Variants in RHAG observed in about 807,000 individuals in gnomAD.
RHAG encodes Rh associated glycoprotein, also known as ammonium transporter Rh type A.
A neutral mutation model predicts 42.4 loss-of-function variants in RHAG; 25 were observed. The ratio of observed to expected loss-of-function variants is 0.59; its 90% CI spans 0.43 to 0.82. The LOEUF is 0.82. Among genes scored for constraint, RHAG ranks in the 40% least tolerant of loss-of-function variants. The pLI is 0.00. For missense variants in RHAG, 483 were observed against 504.6 expected, an observed-to-expected ratio of 0.96 and a Z score of 0.41; for synonymous variants, 182 against 177.7, an observed-to-expected ratio of 1.02 and a Z score of -0.19.
chr6:49,607,423 C>A (rs1279205117), intron 7 of RHAG, among the ~76,000 whole-genome samples: 1 of 152,178 alleles, frequency 6.6e-6, no homozygotes, highest in African/African-American at 2.4e-5. Context: ...TTCTGAGATA[C>A]ACCTTAAAGA....
At chr6:49,633,053 A>T (rs1762957027) in intron 1 of RHAG, among the ~76,000 whole-genome samples, 1 of 152,218 alleles carries the variant, frequency 6.6e-6, no homozygotes, top group Non-Finnish European at 1.5e-5. Context: ...GTTGTGTGCA[A>T]ACCCAAGGGT....
At chr6:49,634,436 G>T (rs1762976611) in intron 1 of RHAG, among the ~76,000 whole-genome samples, 1 of 152,026 alleles carries the variant, frequency 6.6e-6, no homozygotes. Flanking sequence ...ACTATCACAT[G>T]AACCAGCAGT....
At chr6:49,623,192 T>C (rs959031631) in intron 1 of RHAG, among the ~76,000 whole-genome samples, 2 of 152,194 alleles carry the variant, frequency 1.3e-5, no homozygotes, top group Non-Finnish European at 2.9e-5. Context: ...TGTGCTTCAC[T>C]GTTTTTCCCT....
chr6:49,625,761 C>G (rs998655420), intron 1 of RHAG, among the ~76,000 whole-genome samples: 7 of 152,128 alleles, frequency 4.6e-5, no homozygotes, highest in Non-Finnish European at 1.0e-4. Flanking sequence ...TCTCCCAGTT[C>G]TAATAAAGAC....
At chr6:49,630,224 G>T (rs1005499946) in intron 1 of RHAG, among the ~76,000 whole-genome samples, 1 of 152,114 alleles carries the variant, frequency 6.6e-6, no homozygotes, top group Non-Finnish European at 1.5e-5. Context: ...GTTTTATTTC[G>T]TTTGTTTGTC....
rs1774146263 is a variant in RHAG, at chr6:49,605,538, GAGA to G, written c.*272_*274del. ...TGCCAAAAGCTTTTTGGGAATCCTG[GAGA>G]AGATCTATTTGATTATCTGTTTTAT... On this transcript the variant is annotated 3_prime_UTR_variant, in exon 10 of 10. Coordinates refer to ENST00000371175, the MANE Select transcript of RHAG (RefSeq NM_000324.3). 1.9e-6 allele frequency: 1 copy of G among 514,910 alleles called. No homozygotes were observed. The highest frequency in any genetic ancestry group is 3.1e-5 in the Admixed American group (1 of 32,164). The allele number at this position is 514,910 out of a possible 1,614,324, so 31.9% of individuals were successfully genotyped here.
At chr6:49,629,814 G>A (rs1409380235) in intron 1 of RHAG, among the ~76,000 whole-genome samples, 2 of 151,842 alleles carry the variant, frequency 1.3e-5, no homozygotes. Flanking sequence ...CATTGCCCGG[G>A]GCCGGCAGGG....
At chr6:49,616,222 G>GC (rs1762652319) in intron 3 of RHAG, among the ~76,000 whole-genome samples, 1 of 151,970 alleles carries the variant, frequency 6.6e-6, no homozygotes, top group Non-Finnish European at 1.5e-5. Context: ...GGTGGTGCAC[G>GC]CCTTGTAGTC....
chr6:49,618,383 C>T (rs1258003959), intron 2 of RHAG, among the ~76,000 whole-genome samples, 165 bp from the exon 3 acceptor site: 1 of 152,164 alleles, frequency 6.6e-6, no homozygotes, highest in African/African-American at 2.4e-5. Context: ...TTTAATTGCT[C>T]TAATGTATAT....
At position 49,615,716 on chromosome 6, in the gene RHAG, A is replaced by T; in HGVS notation, c.548T>A (p.Leu183Ter). Reference sequence around the variant, plus strand: ...TCGATACAAGATGCCTGCTACAGCCAAGCCAAAGTAGGCCCCAAAGGCATG... The same window carrying T: ...TCGATACAAGATGCCTGCTACAGCCTAGCCAAAGTAGGCCCCAAAGGCATG... ...TIHAFGAYFG[L>*]AVAGILYRSG... Residue 183 changes from leucine (L) to a stop codon, truncating the protein, a stop_gained, in exon 4 of 10, where the codon TTG becomes TAG. Transcript: ENST00000371175. LOFTEE classifies it high-confidence loss of function. The T allele has an allele frequency of 1.2e-6, 2 of 1,614,168 alleles. No homozygotes were observed. The highest frequency in any genetic ancestry group is 1.7e-6 in the Non-Finnish European group (2 of 1,180,014).
intron 6 of RHAG, among the ~76,000 whole-genome samples, 182 bp from the exon 7 acceptor site, chr6:49,611,327 T>TA (rs1162062519): frequency 1.3e-5 from 2 of 152,226 alleles, no homozygotes; most frequent in Non-Finnish European, 2.9e-5. Flanking sequence ...AAAAAGGTCA[T>TA]ATAGTGAAGA....
chr6:49,614,916 TTTGC>T, intron 4 of RHAG, 63 bp from the exon 5 acceptor site: 1 of 1,414,336 alleles, frequency 7.1e-7, no homozygotes, highest in Non-Finnish European at 1.0e-6. Context: ...GAGGATGCAG[TTTGC>T]TTTATTTATT....
chr6:49,607,257 T>C (rs1762489807), intron 7 of RHAG, 37 bp from the exon 8 acceptor site: 4 of 1,559,502 alleles, frequency 2.6e-6, no homozygotes, highest in Non-Finnish European at 2.6e-6. Context: ...GTGTCTTTCC[T>C]GGATCTCAGC....
intron 4 of RHAG, 128 bp downstream of exon 4, chr6:49,615,496 G>T: frequency 9.4e-7 from 1 of 1,062,826 alleles, no homozygotes; most frequent in East Asian, 2.4e-5. Flanking sequence ...GAGTAGCTGA[G>T]GATACAGTCG....
rs761647960 is a variant in RHAG at position 49,615,788 on chromosome 6, C to G, written c.493-17G>C. 2.5e-6 allele frequency: 4 copies of G among 1,613,406 alleles called. No individual in the cohort carries two copies. The African/African-American group carries it at 5.3e-5, about 22-fold the overall frequency. ...GTCAGAGGCCTGAGGGACAAAATAG[C>G]ATTCACATAAATAGAGGTGAACCTG... On this transcript the variant is annotated splice_polypyrimidine_tract_variant and intron_variant, in intron 3 of 9. Coordinates refer to ENST00000371175, the MANE Select transcript of RHAG (RefSeq NM_000324.3).
chr6:49,629,064 A>C (rs778480476), intron 1 of RHAG, among the ~76,000 whole-genome samples: 24 of 152,124 alleles, frequency 1.6e-4, no homozygotes, highest in Non-Finnish European at 2.9e-4. Flanking sequence ...CCTGAGCTAG[A>C]TACAAAGGTT....
chr6:49,618,081 C>T lies in RHAG; in HGVS notation c.479G>A (p.Ser160Asn), dbSNP rs1014275931. Residue 160 changes from serine (S) to asparagine (N), a missense_variant, in exon 3 of 10, where the codon AGT becomes AAT. By Grantham distance (46) the Ser-to-Asn change is conservative. Coordinates refer to ENST00000371175, the MANE Select transcript of RHAG (RefSeq NM_000324.3). The stretch of plus-strand genomic sequence containing the variant: ...TCTAACTCTTACCTTAAATATTTCA[C>T]TAACCAGGTATTCATTGTGGGCAAA... ...VFFAHNEYLV[S>N]EIFKASDIGA... 6.2e-7 allele frequency: 1 copy of T among 1,613,896 alleles called. No homozygotes were observed. The highest frequency in any genetic ancestry group is 1.3e-5 in the African/African-American group (1 of 75,026).
intron 3 of RHAG, among the ~76,000 whole-genome samples, chr6:49,616,108 A>G (rs1426165111): frequency 1.3e-5 from 2 of 152,176 alleles, no homozygotes; most frequent in African/African-American, 4.8e-5. Context: ...AGATAAGAAC[A>G]TATTTCTAAA....
In RHAG at chr6:49,617,970, C is replaced by T. The variant is rs540058932; in HGVS notation, c.492+98G>A. On this transcript the variant is annotated intron_variant, in intron 3 of 9. Transcript: ENST00000371175. ...TTACTATTTGCTACGGTATCACTCT[C>T]ACCAAGATTTGCTCCCATATACCGT... 2.3e-4 allele frequency: 241 copies of T among 1,063,822 alleles called. 1 individual carries two copies. In the African/African-American group the frequency reaches 3.5e-3, roughly 15 times the overall value. 65.9% of individuals were successfully genotyped at this position (1,063,822 alleles called of 1,614,324 possible).
Sources: allele counts gnomAD v4.1 joint callset (sites outside exome capture counted in the v4.1 genomes callset), GRCh38; gene constraint gnomAD v4.1.1; transcripts MANE v1.5; gene names NCBI Gene and HGNC (gene_info 2026-07-23, HGNC 2026-07-21).